EXOC4: variants seen among roughly 807,000 people sequenced by gnomAD.
EXOC4 encodes the protein exocyst complex component 4, also known as SEC8-like 1.
Under a neutral mutation model 107.2 loss-of-function variants are expected in EXOC4, and 71 were observed. The observed-to-expected ratio is 0.66, with a 90% CI of 0.55 to 0.81. The LOEUF is 0.81. Ranked by LOEUF, EXOC4 falls within the 30% of genes least tolerant of loss-of-function variation. The probability of loss-of-function intolerance (pLI) is 0.00; values close to 1 mark genes in which losing one functional copy is unlikely to be tolerated. For missense variants in EXOC4, 1,108 were observed against 1,189.6 expected (o/e 0.93, Z 1.01); for synonymous variants, 456 against 441.2 (o/e 1.03, Z -0.42).
At chr7:133,292,891 T>C (rs1481136598) in intron 3 of EXOC4, among the ~76,000 whole-genome samples, 3 of 152,194 alleles carry the variant, frequency 2.0e-5, no homozygotes, top group Admixed American at 2.0e-4. Flanking sequence ...GAAAAAGGTA[T>C]TTCTTTTGTG....
chr7:133,899,745 CTTTT>C (rs35095963), intron 12 of EXOC4, among the ~76,000 whole-genome samples: 1 of 86,232 alleles, frequency 1.2e-5, no homozygotes, highest in Non-Finnish European at 2.1e-5. Context: ...CAGATGTACT[CTTTT>C]TTTTTTTTTT....
chr7:133,909,666 G>A (rs2116597111), intron 12 of EXOC4, among the ~76,000 whole-genome samples: 1 of 152,280 alleles, frequency 6.6e-6, no homozygotes, highest in South Asian at 2.1e-4. Flanking sequence ...ACTTCAGACT[G>A]TGAAACTGAT....
chr7:133,382,378 A>G (rs1458117805), intron 7 of EXOC4, among the ~76,000 whole-genome samples: 3 of 152,198 alleles, frequency 2.0e-5, no homozygotes, highest in African/African-American at 7.2e-5. Flanking sequence ...GGGACCAACT[A>G]TGTACTGAGT....
intron 11 of EXOC4, among the ~76,000 whole-genome samples, chr7:133,849,679 TTC>T (rs1798202423): frequency 6.6e-6 from 1 of 152,320 alleles, no homozygotes; most frequent in African/African-American, 2.4e-5. Flanking sequence ...TGATTTCATT[TTC>T]TCTCTCTTTC....
chr7:133,571,472 T>G lies in EXOC4; in HGVS notation c.1418-58573T>G, dbSNP rs1801022198. The stretch of plus-strand genomic sequence containing the variant: ...GGCGGATCACCTGAGGTCAGGAGTT[T>G]GAGACCATCCTGGCCAACATGGTGA... On this transcript the variant is annotated intron_variant, in intron 9 of 17. Coordinates refer to ENST00000253861, the MANE Select transcript of EXOC4 (RefSeq NM_021807.4). 1.3e-5 allele frequency among the ~76,000 whole-genome samples: 2 copies of G among 152,080 alleles called. 1 individual carries two copies. Among genetic ancestry groups the G allele is most frequent in the Non-Finnish European group, 2.9e-5 (2 of 67,992 alleles).
At chr7:133,907,146 C>G (rs947046831) in intron 12 of EXOC4, among the ~76,000 whole-genome samples, 5 of 152,166 alleles carry the variant, frequency 3.3e-5, no homozygotes, top group Admixed American at 1.3e-4. Context: ...GCTATGTTAT[C>G]TCCTAACACT....
intron 5 of EXOC4, among the ~76,000 whole-genome samples, chr7:133,350,875 T>C (rs1795893962): frequency 6.6e-6 from 1 of 152,058 alleles, no homozygotes; most frequent in Non-Finnish European, 1.5e-5. Flanking sequence ...AATTTTTTAA[T>C]TTAGCAACAA....
At chr7:133,376,801 T>C (rs1449184701) in intron 7 of EXOC4, among the ~76,000 whole-genome samples, 1 of 152,196 alleles carries the variant, frequency 6.6e-6, no homozygotes, top group African/African-American at 2.4e-5. Flanking sequence ...TGAGTAGGGC[T>C]ATTCTAGGAG....
chr7:133,481,684 G>T (rs1317594824), intron 9 of EXOC4, among the ~76,000 whole-genome samples: 1 of 152,100 alleles, frequency 6.6e-6, no homozygotes, highest in Non-Finnish European at 1.5e-5. Context: ...GTATGTTTAG[G>T]GTATTAGGAA....
At chr7:134,019,196 C>T (rs1187921543) in intron 17 of EXOC4, among the ~76,000 whole-genome samples, 1 of 152,190 alleles carries the variant, frequency 6.6e-6, no homozygotes, top group Non-Finnish European at 1.5e-5. Flanking sequence ...TCCCAAAGTG[C>T]TGGGATTACA....
intron 7 of EXOC4, among the ~76,000 whole-genome samples, chr7:133,451,740 C>T (rs564360484): frequency 6.6e-6 from 1 of 152,066 alleles, no homozygotes; most frequent in Non-Finnish European, 1.5e-5. Context: ...CCTAGGAACA[C>T]GATGAAATGG....
chr7:134,016,242 G>A (rs908081458), intron 17 of EXOC4, among the ~76,000 whole-genome samples: 2 of 152,084 alleles, frequency 1.3e-5, no homozygotes, highest in African/African-American at 4.8e-5. Context: ...GGGAAAGGCC[G>A]GGAGTGAACA....
chr7:133,669,437 G>T (rs553705351), intron 10 of EXOC4, among the ~76,000 whole-genome samples: 2 of 152,346 alleles, frequency 1.3e-5, no homozygotes, highest in South Asian at 2.1e-4. Flanking sequence ...GTGTGGGGAG[G>T]ACGGTTGAAG....
At chr7:133,686,753 C>G (rs1794306669) in intron 10 of EXOC4, among the ~76,000 whole-genome samples, 1 of 151,982 alleles carries the variant, frequency 6.6e-6, no homozygotes, top group South Asian at 2.1e-4. Context: ...TTTTACACTG[C>G]TGGTGGGAAT....
chr7:133,645,769 C>A (rs1802975169), intron 10 of EXOC4, among the ~76,000 whole-genome samples: 1 of 152,108 alleles, frequency 6.6e-6, no homozygotes, highest in African/African-American at 2.4e-5. Flanking sequence ...TCCAATGTTT[C>A]TTCTTGGAGT....
chr7:133,938,029 T>G lies in EXOC4; in HGVS notation c.2166T>G (p.Ser722Arg). ...ATGAAAGCCTGGAATGGTTGGCAAG[T>G]CGAACAAAGTCAGCTTTCTCCAATC... ...NMHESLEWLASRTKSAFSNLS... is the reference protein window; with the variant it reads ...NMHESLEWLARRTKSAFSNLS... Residue 722 changes from serine (S) to arginine (R), a missense_variant, in exon 14 of 18, where the codon AGT becomes AGG. By Grantham distance (110) the Ser-to-Arg change is moderately radical (BLOSUM62 -1). Transcript: ENST00000253861. 6.2e-7 allele frequency: 1 copy of G among 1,614,134 alleles called. No homozygotes were observed. The highest frequency in any genetic ancestry group is 8.5e-7 in the Non-Finnish European group (1 of 1,180,032).
At chr7:133,835,432 A>G (rs967488394) in intron 11 of EXOC4, among the ~76,000 whole-genome samples, 2 of 152,114 alleles carry the variant, frequency 1.3e-5, no homozygotes, top group African/African-American at 4.8e-5. Context: ...TCGAAGTGGG[A>G]CGGGGCTTTG....
chr7:133,802,960 G>GAA (rs552055238), intron 10 of EXOC4, among the ~76,000 whole-genome samples: 2 of 147,682 alleles, frequency 1.4e-5, no homozygotes, highest in African/African-American at 5.0e-5. Flanking sequence ...GGAAATGACA[G>GAA]AAAAAAAAAC....
intron 10 of EXOC4, among the ~76,000 whole-genome samples, chr7:133,636,790 T>G (rs1413661417): frequency 6.6e-6 from 1 of 152,150 alleles, no homozygotes; most frequent in African/African-American, 2.4e-5. Context: ...AGTGAAATAT[T>G]TATTGGTCAG....
Sources: allele counts gnomAD v4.1 joint callset (sites outside exome capture counted in the v4.1 genomes callset), GRCh38; gene constraint gnomAD v4.1.1; transcripts MANE v1.5; gene names NCBI Gene and HGNC (gene_info 2026-07-23, HGNC 2026-07-21).